Variants in GGH observed in about 807,000 individuals in gnomAD.
GGH encodes the protein gamma-Glu-X carboxypeptidase.
In GGH, 18 loss-of-function variants were observed where a neutral mutation model predicts 39.2. The observed-to-expected ratio is 0.46, with a 90% confidence interval of 0.32 to 0.68. The LOEUF is 0.68. GGH is among the 30% of genes least tolerant of loss of function. The probability of loss-of-function intolerance (pLI) is 0.04; values close to 1 mark genes in which losing one functional copy is unlikely to be tolerated. For missense variants in GGH, 367 were observed against 384.1 expected, an observed-to-expected ratio of 0.96 and a Z score of 0.37; for synonymous variants, 147 against 138.8, an observed-to-expected ratio of 1.06 and a Z score of -0.42.
chr8:63,032,634 A>T (rs761127351), intron 2 of GGH, among the ~76,000 whole-genome samples: 1 of 152,138 alleles, frequency 6.6e-6, no homozygotes, highest in Non-Finnish European at 1.5e-5. Context: ...AAAATTCAGA[A>T]ATGAACCTAA....
intron 7 of GGH, among the ~76,000 whole-genome samples, chr8:63,022,147 C>A (rs1285622874): frequency 1.3e-5 from 2 of 151,832 alleles, no homozygotes; most frequent in Non-Finnish European, 2.9e-5. Context: ...ATTCATCAAT[C>A]TTTTCCTTTA....
intron 2 of GGH, among the ~76,000 whole-genome samples, chr8:63,032,457 T>G (rs538712898): frequency 6.6e-6 from 1 of 152,164 alleles, no homozygotes; most frequent in Non-Finnish European, 1.5e-5. Flanking sequence ...TAGTCCCACA[T>G]TGGGCATTTA....
Position 63,038,655 on chromosome 8 carries a change from CT to C in GGH, c.109+4del. The C allele has an allele frequency of 1.3e-6, 2 of 1,495,072 alleles. No homozygotes were observed. The highest frequency in any genetic ancestry group is 1.8e-6 in the Non-Finnish European group (2 of 1,103,392). The allele number at this position is 1,495,072 out of a possible 1,614,324, so 92.6% of individuals were successfully genotyped here. A position where few individuals can be genotyped will look rare whatever the true frequency, so the allele number is the denominator to read the frequency against. ...GTCTGCTGCGGCCCCGCACAGCCTC[CT>C]TACCGATGATGGGCTTCTTGGCGGT... On this transcript the variant is annotated splice_donor_region_variant and intron_variant, in intron 1 of 8. Transcript: ENST00000260118.
In GGH at chr8:63,038,806, C is replaced by A. The variant is rs576207255; in HGVS notation, c.-38G>T. On this transcript the variant is annotated 5_prime_UTR_variant, in exon 1 of 9. Coordinates refer to ENST00000260118, the MANE Select transcript of GGH (RefSeq NM_003878.3). Reference sequence around the variant, plus strand: ...CTCCCGCCGCCTTTCAAAAGCTCTGCGGGCGGGCGGGGGCTGCGGCAGGGA... The same window carrying A: ...CTCCCGCCGCCTTTCAAAAGCTCTGAGGGCGGGCGGGGGCTGCGGCAGGGA... 5 of 1,298,388 alleles carry A rather than the reference C, an allele frequency of 3.9e-6. No individual in the cohort carries two copies. In the African/African-American group the frequency reaches 4.6e-5, roughly 12 times the overall value. The allele number at this position is 1,298,388 out of a possible 1,614,324, so 80.4% of individuals were successfully genotyped here. A position where few individuals can be genotyped will look rare whatever the true frequency, so the allele number is the denominator to read the frequency against.
At chr8:63,022,689 T>TTC (rs1316955211) in intron 7 of GGH, among the ~76,000 whole-genome samples, 3 of 151,704 alleles carry the variant, frequency 2.0e-5, no homozygotes, top group Non-Finnish European at 2.9e-5. Context: ...TTTTTTTTTT[T>TTC]TTCTTTTTTT....
chr8:63,034,498 C>G (rs1421164499), intron 2 of GGH, among the ~76,000 whole-genome samples: 1 of 152,098 alleles, frequency 6.6e-6, no homozygotes, highest in Admixed American at 6.6e-5. Context: ...TGTGAAATCA[C>G]TCAAAATGGA....
chr8:63,017,252 T>A (rs1804502466), intron 8 of GGH: 1 of 411,028 alleles, frequency 2.4e-6, no homozygotes, highest in East Asian at 4.1e-5. Context: ...CACACTGTTG[T>A]TCAAGAATTC....
chr8:63,030,686 A>C (rs1804786692), intron 2 of GGH, among the ~76,000 whole-genome samples: 1 of 152,038 alleles, frequency 6.6e-6, no homozygotes, highest in South Asian at 2.1e-4. Context: ...CACCCCAACA[A>C]ACTAGTTGCA....
rs1329542809 is a variant in GGH, at chr8:63,033,985, A to T, written c.224+1671T>A. 4.0e-5 allele frequency among the ~76,000 whole-genome samples: 4 copies of T among 99,654 alleles called. 1 individual carries two copies. Among genetic ancestry groups the T allele is most frequent in the African/African-American group, 6.6e-5 (2 of 30,380 alleles). The allele number at this position is 99,654 out of a possible 152,430, so 65.4% of individuals were successfully genotyped here. ...GCTGCTCTGCCTTTTGTCTCTCCTT[A>T]TATATATATATATATGTCTCTCCTT... On this transcript the variant is annotated intron_variant, in intron 2 of 8. Transcript: ENST00000260118.
intron 3 of GGH, 39 bp downstream of exon 3, chr8:63,030,128 C>A: frequency 1.2e-6 from 1 of 867,246 alleles, no homozygotes; most frequent in Admixed American, 1.9e-5. Context: ...CATATGTAGA[C>A]CACTCATATA....
chr8:63,037,840 A>G (rs549499356), intron 1 of GGH, among the ~76,000 whole-genome samples: 1 of 152,360 alleles, frequency 6.6e-6, no homozygotes, highest in African/African-American at 2.4e-5. Flanking sequence ...AACCCATTTG[A>G]AAACTGGGCA....
intron 3 of GGH, among the ~76,000 whole-genome samples, chr8:63,028,760 G>A (rs1804747310): frequency 6.6e-6 from 1 of 152,166 alleles, no homozygotes; most frequent in South Asian, 2.1e-4. Flanking sequence ...TTTGCATGAA[G>A]ACATACTGAG....
rs1160001458 is a variant in GGH at position 63,038,685 on chromosome 8, G to A, written c.84C>T (p.Gly28=). Residue 28 remains glycine, a synonymous_variant, in exon 1 of 9, where the codon GGC becomes GGT. Transcript: ENST00000260118. ...AASLELSRPH[G]DTAKKPIIGI... ...CGATGATGGGCTTCTTGGCGGTGTC[G>A]CCGTGGGGTCTAGACAGCTCGAGGC... The A allele has an allele frequency of 1.3e-6, 2 of 1,545,138 alleles. No individual in the cohort carries two copies. The highest frequency in any genetic ancestry group is 3.6e-5 in the Admixed American group (2 of 55,968).
chr8:63,032,741 CAT>C (rs1187784669), intron 2 of GGH, among the ~76,000 whole-genome samples: 1 of 152,210 alleles, frequency 6.6e-6, no homozygotes, highest in East Asian at 1.9e-4. Flanking sequence ...TACAAGATCA[CAT>C]GATTCCAATA....
intron 2 of GGH, among the ~76,000 whole-genome samples, chr8:63,031,693 CTAT>C (rs1804808614): frequency 6.6e-6 from 1 of 152,200 alleles, no homozygotes. Flanking sequence ...CCATTTATCT[CTAT>C]TAAGAGACCT....
intron 2 of GGH, among the ~76,000 whole-genome samples, chr8:63,035,043 TTTAGA>T (rs1804877059): frequency 6.7e-6 from 1 of 148,334 alleles, no homozygotes; most frequent in Middle Eastern, 3.2e-3. Context: ...CCCCAACCAC[TTTAGA>T]TTATTTTACT....
chr8:63,015,363 GA>G lies in GGH; in HGVS notation c.925del (p.Ser309LeufsTer31). On this transcript the variant is annotated frameshift_variant, in exon 9 of 9. Transcript: ENST00000260118. LOFTEE classifies it high-confidence loss of function. ...AAATATGTAACATTGCTGAAATGAA[GA>G]AATATTTCCAGTATAAATTGGACTG... ...QFSPIYTGNI[S>X]SFQQCYIFD The G allele has an allele frequency of 7.1e-7, 1 of 1,408,868 alleles. No homozygotes were observed. The highest frequency in any genetic ancestry group is 1.4e-5 in the African/African-American group (1 of 70,440). 87.3% of individuals were successfully genotyped at this position (1,408,868 alleles called of 1,614,324 possible).
intron 2 of GGH, among the ~76,000 whole-genome samples, chr8:63,035,419 C>A (rs775708934): frequency 4.6e-5 from 7 of 152,140 alleles, no homozygotes; most frequent in African/African-American, 1.4e-4. Context: ...GATTCTCCTG[C>A]CTCAGCCTCC....
intron 3 of GGH, chr8:63,029,836 C>T (rs1804769389): frequency 5.5e-6 from 1 of 181,572 alleles, no homozygotes; most frequent in Non-Finnish European, 1.1e-5. Context: ...ACTTATAAAC[C>T]CCATATGCAA....
Sources: allele counts gnomAD v4.1 joint callset (sites outside exome capture counted in the v4.1 genomes callset), GRCh38; gene constraint gnomAD v4.1.1; transcripts MANE v1.5; gene names NCBI Gene and HGNC (gene_info 2026-07-23, HGNC 2026-07-21).